FRMD4A: variants seen among roughly 807,000 people sequenced by gnomAD.
FRMD4A encodes FERM domain containing 4A, also known as FERM domain-containing protein 4A.
In FRMD4A, 29 loss-of-function variants were observed where a neutral mutation model predicts 129.1. The ratio of observed to expected loss-of-function variants is 0.22; its 90% CI spans 0.17 to 0.31. The LOEUF is 0.31. Among genes scored for constraint, FRMD4A ranks in the 10% least tolerant of loss-of-function variants. The pLI is 1.00. For missense variants in FRMD4A, 1,272 were observed against 1,375.8 expected (o/e 0.92, Z 1.19); for synonymous variants, 634 against 571.6 (o/e 1.11, Z -1.56).
chr10:13,980,377 A>G (rs2095556432), intron 2 of FRMD4A, among the ~76,000 whole-genome samples: 1 of 152,210 alleles, frequency 6.6e-6, no homozygotes, highest in African/African-American at 2.4e-5. Flanking sequence ...ATTCTAGTCC[A>G]TCACATTTTC....
chr10:14,328,088 C>T (rs1041988028), intron 2 of FRMD4A, among the ~76,000 whole-genome samples: 7 of 152,130 alleles, frequency 4.6e-5, no homozygotes, highest in African/African-American at 1.7e-4. Flanking sequence ...TTTCCCTGAA[C>T]TAAACATGAA....
intron 2 of FRMD4A, among the ~76,000 whole-genome samples, chr10:14,043,628 G>C (rs1232383282): frequency 6.6e-6 from 1 of 152,174 alleles, no homozygotes; most frequent in East Asian, 1.9e-4. Context: ...CCCAGCACCT[G>C]CTCTAACTTC....
At chr10:14,126,583 C>T (rs1369052962) in intron 2 of FRMD4A, among the ~76,000 whole-genome samples, 1 of 73,242 alleles carries the variant, frequency 1.4e-5, no homozygotes, top group Non-Finnish European at 3.3e-5. Context: ...GAAACCAGCA[C>T]CCTGCTAACC....
chr10:14,158,108 C>A (rs1363891278), intron 2 of FRMD4A, among the ~76,000 whole-genome samples: 1 of 151,988 alleles, frequency 6.6e-6, no homozygotes, highest in East Asian at 1.9e-4. Context: ...TCATAAAGAG[C>A]CTTGAATGTC....
chr10:13,882,107 A>C (rs1564966025), intron 2 of FRMD4A, among the ~76,000 whole-genome samples: 1 of 151,830 alleles, frequency 6.6e-6, no homozygotes, highest in Non-Finnish European at 1.5e-5. Context: ...TTTTTCTTCC[A>C]TGCTAAGGAC....
At chr10:13,734,953 A>G (rs2090550185) in intron 12 of FRMD4A, among the ~76,000 whole-genome samples, 1 of 151,736 alleles carries the variant, frequency 6.6e-6, no homozygotes, top group African/African-American at 2.4e-5. Flanking sequence ...AGCTTACTGC[A>G]ACCTCTGCCT....
chr10:14,040,420 T>C (rs1417392199), intron 2 of FRMD4A, among the ~76,000 whole-genome samples: 1 of 152,212 alleles, frequency 6.6e-6, no homozygotes, highest in Non-Finnish European at 1.5e-5. Context: ...ATAATCTTAA[T>C]AGCATCTCCA....
At chr10:14,173,205 G>C (rs942318692) in intron 2 of FRMD4A, among the ~76,000 whole-genome samples, 12 of 152,156 alleles carry the variant, frequency 7.9e-5, no homozygotes, top group African/African-American at 2.9e-4. Context: ...AATATTTCTA[G>C]CATTATTGAA....
intron 3 of FRMD4A, among the ~76,000 whole-genome samples, chr10:13,811,928 G>T (rs913401856): frequency 6.7e-6 from 1 of 150,026 alleles, no homozygotes; most frequent in African/African-American, 2.5e-5. Flanking sequence ...CTGTCACCAG[G>T]CTGGTGTGCA....
intron 2 of FRMD4A, among the ~76,000 whole-genome samples, chr10:13,931,423 C>G (rs2095193361): frequency 6.6e-6 from 1 of 152,146 alleles, no homozygotes; most frequent in African/African-American, 2.4e-5. Flanking sequence ...TGCTGTGCCC[C>G]CCGAGGACCC....
At chr10:13,982,173 A>G (rs908094720) in intron 2 of FRMD4A, among the ~76,000 whole-genome samples, 1 of 151,946 alleles carries the variant, frequency 6.6e-6, no homozygotes, top group African/African-American at 2.4e-5. Flanking sequence ...ACATCTTTCT[A>G]TGTTAAAGCT....
chr10:13,651,001 T>G (rs2134444449), intron 24 of FRMD4A: 1 of 152,372 alleles, frequency 6.6e-6, no homozygotes, highest in Non-Finnish European at 1.5e-5. Context: ...TCCTTGTATA[T>G]CTTCTGATAG....
intron 8 of FRMD4A, among the ~76,000 whole-genome samples, chr10:13,749,108 G>A (rs1271173197): frequency 6.6e-6 from 1 of 152,116 alleles, no homozygotes; most frequent in African/African-American, 2.4e-5. Flanking sequence ...AGCAACAAAC[G>A]GCAGCCACTT....
intron 2 of FRMD4A, among the ~76,000 whole-genome samples, chr10:13,970,769 C>T (rs779554088): frequency 4.8e-4 from 73 of 152,162 alleles, no homozygotes; most frequent in Non-Finnish European, 9.1e-4. Context: ...CTGAAGTCTC[C>T]GCGGCCAGCA....
At chr10:13,936,352 C>A (rs1461815077) in intron 2 of FRMD4A, among the ~76,000 whole-genome samples, 2 of 152,184 alleles carry the variant, frequency 1.3e-5, no homozygotes. Context: ...CTCTTCGGAC[C>A]AGTCTCCTAT....
At chr10:13,728,296 T>C (rs2090056379) in intron 12 of FRMD4A, among the ~76,000 whole-genome samples, 1 of 152,176 alleles carries the variant, frequency 6.6e-6, no homozygotes, top group Non-Finnish European at 1.5e-5. Flanking sequence ...GAGGGTTGCT[T>C]TGAAGCACTG....
At chr10:14,264,851 G>A (rs897984664) in intron 2 of FRMD4A, among the ~76,000 whole-genome samples, 1 of 152,056 alleles carries the variant, frequency 6.6e-6, no homozygotes, top group Non-Finnish European at 1.5e-5. Flanking sequence ...GCAAGATCGC[G>A]GCTCACTGCA....
intron 2 of FRMD4A, among the ~76,000 whole-genome samples, chr10:14,171,427 GT>G (rs1378920535): frequency 1.3e-5 from 2 of 152,184 alleles, no homozygotes; most frequent in Non-Finnish European, 2.9e-5. Flanking sequence ...CAATGGCTGT[GT>G]ATCACTGACA....
At chr10:13,707,933 G>T in intron 12 of FRMD4A, 20 of 972,374 alleles carry the variant, frequency 2.1e-5, no homozygotes, top group Non-Finnish European at 2.4e-5. Flanking sequence ...AATTAGGGCT[G>T]CATCCAATTG....
Sources: gnomAD v4.1 joint callset for allele counts (sites outside exome capture counted in the v4.1 genomes callset) on GRCh38, gnomAD v4.1.1 for gene constraint, MANE v1.5 for transcripts, NCBI Gene and HGNC (gene_info 2026-07-23, HGNC 2026-07-21) for gene names.